Variants in PIP5K1B observed in about 807,000 individuals in gnomAD.
PIP5K1B encodes phosphatidylinositol-4-phosphate 5-kinase type 1 beta, also known as phosphatidylinositol 4-phosphate 5-kinase type-1 beta.
Under a neutral mutation model 67.0 loss-of-function variants are expected in PIP5K1B, and 42 were observed. That is an observed-to-expected ratio of 0.63 (90% CI 0.49 to 0.81). PIP5K1B has a LOEUF of 0.81. Among genes scored for constraint, PIP5K1B ranks in the 30% least tolerant of loss-of-function variants. The pLI is 0.00. For synonymous variants in PIP5K1B, 214 were observed against 231.4 expected (o/e 0.92, Z 0.68); for missense variants, 459 against 646.3 (o/e 0.71, Z 3.14).
intron 2 of PIP5K1B, among the ~76,000 whole-genome samples, chr9:68,746,392 T>G (rs886986711): frequency 4.6e-5 from 7 of 151,912 alleles, no homozygotes; most frequent in Non-Finnish European, 8.8e-5. Context: ...ATGCACAGAG[T>G]TTTGGAAGTA....
chr9:68,780,850 T>A (rs1831224225), intron 2 of PIP5K1B: 1 of 1,614,130 alleles, frequency 6.2e-7, no homozygotes. Flanking sequence ...TCTTCTGACG[T>A]TGCACAGCTG....
chr9:68,799,537 AAT>A (rs1375641652), intron 2 of PIP5K1B, among the ~76,000 whole-genome samples: 1 of 152,208 alleles, frequency 6.6e-6, no homozygotes, highest in African/African-American at 2.4e-5. Flanking sequence ...CTCTCATAAA[AAT>A]AGACATATAG....
Position 68,788,597 on chromosome 9 carries a change from G to C in PIP5K1B, c.-85-29864G>C, listed in dbSNP as rs1294802770. ...TGGAATCTCCAATGTGAAGACCCAT[G>C]GTCTTCCTTAAACTTGGTAGCTTGT... On this transcript the variant is annotated intron_variant, in intron 2 of 15. Coordinates refer to ENST00000265382, the MANE Select transcript of PIP5K1B (RefSeq NM_003558.4). The C allele has an allele frequency of 2.7e-4, 66 of 240,486 alleles. 2 individuals carry two copies. The highest frequency in any genetic ancestry group is 2.4e-5 in the Non-Finnish European group (3 of 124,242). The allele number at this position is 240,486 out of a possible 1,614,324, so 14.9% of individuals were successfully genotyped here.
intron 1 of PIP5K1B, among the ~76,000 whole-genome samples, chr9:68,730,084 G>T (rs930450588): frequency 2.6e-5 from 4 of 152,146 alleles, no homozygotes; most frequent in African/African-American, 9.7e-5. Flanking sequence ...GGAGAAGTCT[G>T]TGTGAAATTA....
At chr9:68,876,050 A>G (rs938288155) in intron 5 of PIP5K1B, among the ~76,000 whole-genome samples, 74 of 152,312 alleles carry the variant, frequency 4.9e-4, no homozygotes, top group African/African-American at 1.6e-3. Flanking sequence ...TACATTTTAT[A>G]TATCATAAAT....
At chr9:68,997,644 C>A (rs994361298) in intron 15 of PIP5K1B, among the ~76,000 whole-genome samples, 9 of 152,096 alleles carry the variant, frequency 5.9e-5, no homozygotes, top group African/African-American at 2.2e-4. Flanking sequence ...AATGCTTGGC[C>A]CCTAAGTTAT....
At chr9:68,777,299 T>A (rs1433306140) in intron 2 of PIP5K1B, among the ~76,000 whole-genome samples, 1 of 152,234 alleles carries the variant, frequency 6.6e-6, no homozygotes, top group African/African-American at 2.4e-5. Context: ...GGCCCTGTTC[T>A]AGATATTAAG....
intron 1 of PIP5K1B, among the ~76,000 whole-genome samples, chr9:68,716,762 T>C (rs1827653466): frequency 6.6e-6 from 1 of 152,158 alleles, no homozygotes; most frequent in Non-Finnish European, 1.5e-5. Context: ...GGAAAATAAA[T>C]TGTTTTATCA....
chr9:68,995,805 CAAAA>C (rs35764883), intron 15 of PIP5K1B, among the ~76,000 whole-genome samples: 1 of 100,338 alleles, frequency 1.0e-5, no homozygotes, highest in Non-Finnish European at 2.0e-5. Flanking sequence ...AACTCCGTCT[CAAAA>C]AAAAAAAAAA....
chr9:68,931,893 C>G (rs1337127875), intron 12 of PIP5K1B, among the ~76,000 whole-genome samples: 1 of 152,182 alleles, frequency 6.6e-6, no homozygotes, highest in Non-Finnish European at 1.5e-5. Flanking sequence ...GTTACCCAGT[C>G]AAAAGAGATC....
chr9:68,763,227 A>C (rs534947167), intron 2 of PIP5K1B, among the ~76,000 whole-genome samples: 2 of 152,242 alleles, frequency 1.3e-5, no homozygotes, highest in South Asian at 2.1e-4. Context: ...GCAGAGGAAA[A>C]GAGGTATGCA....
rs1255120011 is a variant in PIP5K1B at position 68,969,716 on chromosome 9, C to T, written c.1503-21424C>T. ...CACATCCTCCCACCCGAGGCCCTTC[C>T]GGGAATTGCTTTATGATCTACCGGA... On this transcript the variant is annotated intron_variant, in intron 14 of 15. Coordinates refer to ENST00000265382, the MANE Select transcript of PIP5K1B (RefSeq NM_003558.4). 2.6e-5 allele frequency among the ~76,000 whole-genome samples: 4 copies of T among 152,152 alleles called. No individual in the cohort carries two copies. In the South Asian group the frequency reaches 6.2e-4, roughly 24 times the overall value.
Position 68,705,774 on chromosome 9 carries a change from G to C in PIP5K1B, c.-243+12G>C, listed in dbSNP as rs1034769497. ...GCTGCCCGGGTGAGGTAAGTTTCCT[G>C]TGCGTCCCCGGCCCCTTCCCACTAG... On this transcript the variant is annotated intron_variant, in intron 1 of 15. Coordinates refer to ENST00000265382, the MANE Select transcript of PIP5K1B (RefSeq NM_003558.4). 3 of 151,686 alleles carry C rather than the reference G, an allele frequency of 2.0e-5. No individual in the cohort carries two copies. Among genetic ancestry groups the C allele is most frequent in the Admixed American group, 1.3e-4 (2 of 15,246 alleles). 9.4% of individuals were successfully genotyped at this position (151,686 alleles called of 1,614,324 possible).
At chr9:68,733,700 C>T (rs1361492962) in intron 1 of PIP5K1B, among the ~76,000 whole-genome samples, 1 of 120,922 alleles carries the variant, frequency 8.3e-6, no homozygotes, top group African/African-American at 3.3e-5. Flanking sequence ...AGTGCAGTGG[C>T]GTGATCTCAG....
intron 7 of PIP5K1B, among the ~76,000 whole-genome samples, 194 bp from the exon 8 acceptor site, chr9:68,894,145 A>T (rs1587629135): frequency 6.6e-6 from 1 of 152,340 alleles, no homozygotes; most frequent in East Asian, 1.9e-4. Flanking sequence ...CTGAGTTTAG[A>T]ATAATAAAAT....
At chr9:68,926,730 C>T (rs182905770) in intron 12 of PIP5K1B, among the ~76,000 whole-genome samples, 2 of 152,076 alleles carry the variant, frequency 1.3e-5, no homozygotes, top group African/African-American at 4.8e-5. Flanking sequence ...AGCCACCACA[C>T]CCAGCTAATT....
chr9:68,839,489 T>C (rs1821798660), intron 4 of PIP5K1B, among the ~76,000 whole-genome samples: 1 of 152,142 alleles, frequency 6.6e-6, no homozygotes, highest in South Asian at 2.1e-4. Flanking sequence ...TCTTGCATAT[T>C]TTCCCACCCT....
intron 14 of PIP5K1B, among the ~76,000 whole-genome samples, chr9:68,977,896 C>G (rs901531553): frequency 5.9e-5 from 9 of 152,086 alleles, no homozygotes; most frequent in African/African-American, 2.2e-4. Context: ...ATCCACCCAC[C>G]TTGGCCTCCC....
At chr9:68,804,736 T>C (rs762342918) in intron 2 of PIP5K1B, among the ~76,000 whole-genome samples, 1 of 152,028 alleles carries the variant, frequency 6.6e-6, no homozygotes, top group Non-Finnish European at 1.5e-5. Flanking sequence ...GAACTACAGG[T>C]GTGCACCACT....
Sources: allele counts gnomAD v4.1 joint callset (sites outside exome capture counted in the v4.1 genomes callset), GRCh38; gene constraint gnomAD v4.1.1; transcripts MANE v1.5; gene names NCBI Gene and HGNC (gene_info 2026-07-23, HGNC 2026-07-21).